Variants in MAP4 observed in about 807,000 individuals in gnomAD.
MAP4 encodes the protein microtubule associated protein 4.
A neutral mutation model predicts 170.2 loss-of-function variants in MAP4; 76 were observed. The ratio of observed to expected loss-of-function variants is 0.45; its 90% confidence interval spans 0.37 to 0.54. MAP4 has a LOEUF of 0.54. Among genes scored for constraint, MAP4 ranks in the 20% least tolerant of loss-of-function variants. The pLI, the probability that MAP4 is intolerant of heterozygous loss-of-function variation, is 0.00. For synonymous variants in MAP4, 909 were observed against 994.5 expected, an observed-to-expected ratio of 0.91 and a Z score of 1.62; for missense variants, 2,506 against 2,748.0, an observed-to-expected ratio of 0.91 and a Z score of 1.97.
intron 10 of MAP4, among the ~76,000 whole-genome samples, chr3:47,897,107 C>T (rs575671752): frequency 1.3e-5 from 2 of 152,280 alleles, no homozygotes; most frequent in Non-Finnish European, 2.9e-5. Flanking sequence ...ATCTTAGTCA[C>T]TAGATGACTC....
Position 47,853,075 on chromosome 3 carries a change from C to G in MAP4, c.6886+88G>C, listed in dbSNP as rs776098747. On this transcript the variant is annotated intron_variant, in intron 20 of 20. Coordinates refer to ENST00000683076, the MANE Select transcript of MAP4 (RefSeq NM_001385682.1). ...AAAGGTTACTTCATTAAAATTTAGG[C>G]CACACTCTAGTCAAAAACAAAGGAG... 9 of 1,614,054 alleles carry G rather than the reference C, an allele frequency of 5.6e-6. No individual in the cohort carries two copies. The South Asian group carries it at 9.9e-5, about 18-fold the overall frequency.
At chr3:47,983,475 C>T (rs754456174) in intron 2 of MAP4, among the ~76,000 whole-genome samples, 8 of 152,172 alleles carry the variant, frequency 5.3e-5, no homozygotes, top group Non-Finnish European at 1.0e-4. Context: ...CAACCTCTGC[C>T]TCCCAGGTTC....
intron 7 of MAP4, 99 bp from the exon 8 acceptor site, chr3:47,915,038 T>A: frequency 6.8e-7 from 1 of 1,460,872 alleles, no homozygotes; most frequent in Non-Finnish European, 9.5e-7. Context: ...TTCTGAGGAG[T>A]TCTCCTACAA....
rs1290610626 is a variant in MAP4 at position 47,867,322 on chromosome 3, T to C, written c.6425A>G (p.Lys2142Arg). The change falls in exon 17 of 21, where the codon AAA becomes AGA. Residue 2142 changes from lysine to arginine, a missense_variant. Transcript: ENST00000683076. ...QPAGKVQIVS[K>R]KVSYSHIQSK... The stretch of plus-strand genomic sequence containing the variant: ...CTGAATATGGCTGTAGCTCACTTTT[T>C]TGGAGACTATCTGGACCTGGAGTGT... 1 of 1,612,872 alleles carries C rather than the reference T, an allele frequency of 6.2e-7. No homozygotes were observed. Among genetic ancestry groups the C allele is most frequent in the Admixed American group, 1.7e-5 (1 of 60,006 alleles).
At chr3:48,005,292 C>T (rs1193166935) in intron 1 of MAP4, among the ~76,000 whole-genome samples, 1 of 151,770 alleles carries the variant, frequency 6.6e-6, no homozygotes, top group Non-Finnish European at 1.5e-5. Flanking sequence ...ACCCGGGAGG[C>T]GGAGGTTGCA....
intron 1 of MAP4, among the ~76,000 whole-genome samples, chr3:48,040,746 T>G (rs544296291): frequency 6.6e-6 from 1 of 151,650 alleles, no homozygotes; most frequent in East Asian, 1.9e-4. Flanking sequence ...GTATTTTTAG[T>G]AGAGACGGGG....
chr3:48,021,533 A>C (rs1049019200), intron 1 of MAP4, among the ~76,000 whole-genome samples: 5 of 152,132 alleles, frequency 3.3e-5, no homozygotes, highest in African/African-American at 1.2e-4. Flanking sequence ...TTTTTAGTAG[A>C]GACAGGGTTT....
chr3:47,862,531 G>T (rs929069664), intron 17 of MAP4, among the ~76,000 whole-genome samples: 1 of 151,898 alleles, frequency 6.6e-6, no homozygotes, highest in African/African-American at 2.4e-5. Context: ...AGGCTGGAGT[G>T]CAGTGGCGTG....
chr3:47,933,203 C>G (rs2100050858), intron 3 of MAP4, among the ~76,000 whole-genome samples: 1 of 152,006 alleles, frequency 6.6e-6, no homozygotes, highest in Admixed American at 6.6e-5. Context: ...TAACAGGAAG[C>G]AGATCAATGG....
intron 1 of MAP4, among the ~76,000 whole-genome samples, chr3:48,071,390 C>CA (rs1437832331): frequency 2.0e-5 from 3 of 150,776 alleles, no homozygotes; most frequent in East Asian, 3.9e-4. Flanking sequence ...AAAAAAATAC[C>CA]AAAAAAAATC....
chr3:48,083,862 G>A (rs2100147797), intron 1 of MAP4, among the ~76,000 whole-genome samples: 1 of 150,698 alleles, frequency 6.6e-6, no homozygotes, highest in Non-Finnish European at 1.5e-5. Flanking sequence ...GAGTAGCTGG[G>A]ATTACAGGCG....
At chr3:48,039,758 A>G (rs931597708) in intron 1 of MAP4, among the ~76,000 whole-genome samples, 5 of 152,352 alleles carry the variant, frequency 3.3e-5, no homozygotes, top group Non-Finnish European at 7.3e-5. Context: ...TTTAATCTCA[A>G]AAGTCATAGC....
rs1265522084 is a variant in MAP4, at chr3:47,910,598, T to C, written c.3823A>G (p.Thr1275Ala). 1.3e-6 allele frequency: 2 copies of C among 1,536,020 alleles called. No individual in the cohort carries two copies. The highest frequency in any genetic ancestry group is 1.7e-6 in the Non-Finnish European group (2 of 1,146,920). The stretch of plus-strand genomic sequence containing the variant: ...GCTTCCACTGTGGGTGTATCTGGTG[T>C]ATGTGAGAACGAAGAATCATGCATT... Reference protein sequence around the residue: ...PKMHDSSFSHTPDTPTVEAVD... With the variant: ...PKMHDSSFSHAPDTPTVEAVD... The change falls in exon 9 of 21, where the codon ACA (threonine) becomes GCA (alanine). Residue 1275 changes from threonine to alanine, a missense_variant. By Grantham distance (58) the Thr-to-Ala change is moderately conservative (BLOSUM62 0). Transcript: ENST00000683076.
chr3:47,974,992 A>G, intron 3 of MAP4: 1 of 989,342 alleles, frequency 1.0e-6, no homozygotes, highest in Non-Finnish European at 1.2e-6. Context: ...TCGCTGCAGT[A>G]CTGGTGGCCT....
chr3:47,951,436 C>A (rs1006055894), intron 3 of MAP4, among the ~76,000 whole-genome samples: 2 of 152,326 alleles, frequency 1.3e-5, no homozygotes, highest in Admixed American at 1.3e-4. Flanking sequence ...TCTCGGCTCA[C>A]TGCAACCTCC....
At chr3:48,064,537 T>C (rs1397981323) in intron 1 of MAP4, among the ~76,000 whole-genome samples, 1 of 152,174 alleles carries the variant, frequency 6.6e-6, no homozygotes, top group African/African-American at 2.4e-5. Flanking sequence ...CACAGTCAGT[T>C]CTGCTTGAAT....
chr3:48,012,662 G>A (rs1372079872), intron 1 of MAP4, among the ~76,000 whole-genome samples: 1 of 150,884 alleles, frequency 6.6e-6, no homozygotes, highest in East Asian at 1.9e-4. Flanking sequence ...CCCCCACCCC[G>A]CCCCCAGCCA....
intron 1 of MAP4, among the ~76,000 whole-genome samples, chr3:48,047,002 G>A (rs181274339): frequency 1.3e-5 from 2 of 152,086 alleles, no homozygotes; most frequent in African/African-American, 4.8e-5. Flanking sequence ...GCTGAGGCAG[G>A]AGAATGGCGT....
chr3:47,857,754 G>A (rs1309040506), intron 17 of MAP4, among the ~76,000 whole-genome samples: 1 of 151,798 alleles, frequency 6.6e-6, no homozygotes, highest in Non-Finnish European at 1.5e-5. Context: ...TGTTGCCCAG[G>A]CTGGAGTACA....
Sources: allele counts gnomAD v4.1 joint callset (sites outside exome capture counted in the v4.1 genomes callset), GRCh38; gene constraint gnomAD v4.1.1; transcripts MANE v1.5; gene names NCBI Gene and HGNC (gene_info 2026-07-23, HGNC 2026-07-21).